RPS6KA6: variants seen among roughly 807,000 people sequenced by gnomAD.
The protein encoded by RPS6KA6 is ribosomal protein S6 kinase alpha-6.
A neutral mutation model predicts 65.4 loss-of-function variants in RPS6KA6; 27 were observed. The observed-to-expected ratio is 0.41, with a 90% CI of 0.30 to 0.57. The LOEUF (loss-of-function observed/expected upper bound fraction) is 0.57, where lower values mean the gene tolerates loss of function less well. Ranked by LOEUF, RPS6KA6 falls within the 20% of genes least tolerant of loss-of-function variation. RPS6KA6 has a pLI of 0.24. For missense variants in RPS6KA6, 486 were observed against 555.6 expected, an observed-to-expected ratio of 0.87 and a Z score of 1.26; for synonymous variants, 190 against 184.2, an observed-to-expected ratio of 1.03 and a Z score of -0.26.
At chrX:84,170,702 CAG>C (rs2035670548) in intron 1 of RPS6KA6, among the ~76,000 whole-genome samples, 2 of 110,582 alleles carry the variant, frequency 1.8e-5, no homozygotes, top group African/African-American at 6.6e-5. Flanking sequence ...CAAAATAAAA[CAG>C]AGAAAGAAAC....
intron 1 of RPS6KA6, among the ~76,000 whole-genome samples, chrX:84,170,844 T>C (rs947937673): frequency 5.4e-5 from 6 of 111,055 alleles, no homozygotes; most frequent in African/African-American, 2.0e-4. Context: ...TTCCAACCAA[T>C]AGAATATGGC....
chrX:84,067,281 C>T (rs921428717), intron 20 of RPS6KA6, among the ~76,000 whole-genome samples: 1 of 111,460 alleles, frequency 9.0e-6, no homozygotes, highest in African/African-American at 3.3e-5. Context: ...ATGATATTGA[C>T]GAATTGACAG....
At chrX:84,066,189 A>G (rs1261212913) in intron 20 of RPS6KA6, among the ~76,000 whole-genome samples, 1 of 108,513 alleles carries the variant, frequency 9.2e-6, no homozygotes, top group Admixed American at 9.9e-5. Flanking sequence ...ATTTGGGCAG[A>G]CAGTGAGCTA....
At chrX:84,078,022 A>C (rs1481632450) in intron 20 of RPS6KA6, among the ~76,000 whole-genome samples, 2 of 112,376 alleles carry the variant, frequency 1.8e-5, no homozygotes, top group Non-Finnish European at 3.8e-5. Context: ...AAAAAGAATA[A>C]TCTTTATCAA....
chrX:84,164,047 G>A (rs944493408), intron 2 of RPS6KA6, among the ~76,000 whole-genome samples: 2 of 111,949 alleles, frequency 1.8e-5, no homozygotes, highest in Non-Finnish European at 3.8e-5. Flanking sequence ...CTCATACACT[G>A]GCAACTGAAA....
chrX:84,091,955 C>T (rs1372592048), intron 20 of RPS6KA6, among the ~76,000 whole-genome samples: 1 of 111,543 alleles, frequency 9.0e-6, no homozygotes, highest in Non-Finnish European at 1.9e-5. Flanking sequence ...ACTCCATGTT[C>T]TCACTCATAA....
At chrX:84,077,323 G>GA (rs1374007497) in intron 20 of RPS6KA6, among the ~76,000 whole-genome samples, 1 of 110,633 alleles carries the variant, frequency 9.0e-6, no homozygotes, top group East Asian at 2.8e-4. Context: ...CTCTGAAAAA[G>GA]AAAAAAGTCG....
intron 8 of RPS6KA6, among the ~76,000 whole-genome samples, chrX:84,131,273 A>G (rs897209108): frequency 6.2e-5 from 7 of 112,506 alleles, no homozygotes; most frequent in African/African-American, 2.3e-4. Flanking sequence ...TATCAACATT[A>G]ACACTTAATT....
intron 2 of RPS6KA6, among the ~76,000 whole-genome samples, chrX:84,156,766 T>C (rs2035424058): frequency 9.0e-6 from 1 of 111,549 alleles, no homozygotes; most frequent in Admixed American, 9.6e-5. Context: ...TCGTACCACC[T>C]GGGTGAAGCA....
In RPS6KA6 at chrX:84,145,509, C is replaced by G; in HGVS notation, c.470G>C (p.Gly157Ala). The change falls in exon 6 of 22, where the codon GGA becomes GCA. Residue 157 changes from glycine to alanine, a missense_variant. Gly to Ala is a moderately conservative substitution (Grantham distance 60). This residue lies in a region of RPS6KA6 where 35 missense variants were observed against 75.5 expected (regional missense o/e 0.46). Coordinates refer to ENST00000262752, the MANE Select transcript of RPS6KA6 (RefSeq NM_014496.5). ...KLYLILDFLRGGDVFTRLSKE... is the reference protein window; with the variant it reads ...KLYLILDFLRAGDVFTRLSKE... ...GGATAATCTTGTGAAAACATCTCCT[C>G]CCCTGAGAAAATCCAGTATTAAGTA... 8.7e-7 allele frequency: 1 copy of G among 1,155,711 alleles called. No individual in the cohort carries two copies. The highest frequency in any genetic ancestry group is 1.2e-6 in the Non-Finnish European group (1 of 863,053).
chrX:84,073,998 T>G (rs2033606081), intron 20 of RPS6KA6, among the ~76,000 whole-genome samples: 1 of 111,641 alleles, frequency 9.0e-6, no homozygotes, highest in Non-Finnish European at 1.9e-5. Flanking sequence ...TACTAACATA[T>G]GATCCAGCAG....
intron 20 of RPS6KA6, among the ~76,000 whole-genome samples, chrX:84,082,692 A>G (rs2033827459): frequency 8.9e-6 from 1 of 111,837 alleles, no homozygotes; most frequent in African/African-American, 3.3e-5. Context: ...CCTGACTTCA[A>G]ACTATACTAC....
intron 8 of RPS6KA6, among the ~76,000 whole-genome samples, chrX:84,132,579 T>C (rs1428466866): frequency 9.0e-6 from 1 of 110,651 alleles, no homozygotes; most frequent in Middle Eastern, 4.3e-3. Flanking sequence ...CAAGTCATAT[T>C]ATAAAGTTAT....
chrX:84,136,927 G>T (rs2035001104), intron 6 of RPS6KA6, among the ~76,000 whole-genome samples: 1 of 111,655 alleles, frequency 9.0e-6, no homozygotes, highest in South Asian at 3.7e-4. Context: ...AGGGATACTT[G>T]TCCATAAGAA....
chrX:84,148,173 A>G, intron 3 of RPS6KA6, 50 bp from the exon 4 acceptor site: 1 of 777,279 alleles, frequency 1.3e-6, no homozygotes, highest in Non-Finnish European at 1.9e-6. Context: ...ATTTCTAGTC[A>G]TTCTTGCTCT....
intron 12 of RPS6KA6, among the ~76,000 whole-genome samples, chrX:84,110,535 A>G (rs180821828): frequency 8.9e-6 from 1 of 112,002 alleles, no homozygotes; most frequent in African/African-American, 3.2e-5. Flanking sequence ...GCTGGCTTGT[A>G]CTGGTAAATG....
chrX:84,107,817 CAT>C, intron 12 of RPS6KA6, 92 bp from the exon 13 acceptor site: 1 of 399,011 alleles, frequency 2.5e-6, no homozygotes, highest in Non-Finnish European at 4.2e-6. Flanking sequence ...ATTCACAGTC[CAT>C]AATAGAAGAC....
intron 20 of RPS6KA6, among the ~76,000 whole-genome samples, chrX:84,079,354 C>T (rs2033734120): frequency 9.0e-6 from 1 of 111,381 alleles, no homozygotes; most frequent in Admixed American, 9.5e-5. Context: ...CCTAAACCAC[C>T]AGGGCCCTAG....
intron 20 of RPS6KA6, among the ~76,000 whole-genome samples, chrX:84,082,230 T>C (rs1388088058): frequency 8.9e-6 from 1 of 112,119 alleles, no homozygotes; most frequent in Non-Finnish European, 1.9e-5. Context: ...CTTAAGCTGA[T>C]AAGCAACTTC....
Sources: allele counts gnomAD v4.1 joint callset (sites outside exome capture counted in the v4.1 genomes callset), GRCh38; gene constraint gnomAD v4.1.1; regional missense constraint gnomAD v4.1.1; transcripts MANE v1.5; gene names NCBI Gene and HGNC (gene_info 2026-07-23, HGNC 2026-07-21).